The following PTCHD4 variants were observed in gnomAD, a reference collection of about 807,000 sequenced individuals.
PTCHD4 encodes patched domain containing 4, also known as patched domain-containing protein 4.
A neutral mutation model predicts 58.1 loss-of-function variants in PTCHD4; 33 were observed. The observed-to-expected ratio is 0.57, with a 90% CI of 0.43 to 0.76. The LOEUF (loss-of-function observed/expected upper bound fraction) is 0.76, where lower values mean the gene tolerates loss of function less well. Ranked by LOEUF, PTCHD4 falls within the 30% of genes least tolerant of loss-of-function variation. The probability of loss-of-function intolerance (pLI) is 0.00; values close to 1 mark genes in which losing one functional copy is unlikely to be tolerated. For synonymous variants in PTCHD4, 478 were observed against 409.6 expected (o/e 1.17, Z -2.02); for missense variants, 1,058 against 1,027.1 (o/e 1.03, Z -0.41).
chr6:47,950,950 A>G (rs1339778091), intron 4 of PTCHD4, among the ~76,000 whole-genome samples: 1 of 152,130 alleles, frequency 6.6e-6, no homozygotes, highest in Non-Finnish European at 1.5e-5. Context: ...GGAATTTGGG[A>G]AGAGTGAGTT....
rs561597780 is a variant in PTCHD4 at position 48,088,096 on chromosome 6, A to T, written c.-969-18170T>A. ...CATGCTAGGTTACAAGACCATCAAT[A>T]AGGGAACTCAGGATCATAGATTCCT... On this transcript the variant is annotated intron_variant, in intron 1 of 4. Transcript: ENST00000339488. Among the ~76,000 whole-genome samples the T allele has an allele frequency of 1.4e-4, 22 of 152,306 alleles. No homozygotes were observed. In the South Asian group the frequency reaches 4.1e-3, roughly 29 times the overall value.
chr6:48,006,165 A>C (rs1407916546), intron 4 of PTCHD4, among the ~76,000 whole-genome samples: 2 of 152,354 alleles, frequency 1.3e-5, no homozygotes, highest in East Asian at 3.9e-4. Context: ...ACCATTAAGC[A>C]GTCTTCCTAA....
At chr6:47,991,303 A>C (rs963311586) in intron 4 of PTCHD4, among the ~76,000 whole-genome samples, 3 of 152,200 alleles carry the variant, frequency 2.0e-5, no homozygotes, top group Non-Finnish European at 2.9e-5. Flanking sequence ...AGAGAAAAAG[A>C]CAATGCGATA....
chr6:48,087,115 C>CCTAT (rs1407738302), intron 1 of PTCHD4, among the ~76,000 whole-genome samples: 1 of 152,172 alleles, frequency 6.6e-6, no homozygotes. Flanking sequence ...CTTTTCTATG[C>CCTAT]CTATGTCTTT....
chr6:47,937,736 G>C (rs1375272048), intron 4 of PTCHD4, among the ~76,000 whole-genome samples: 2 of 152,160 alleles, frequency 1.3e-5, no homozygotes, highest in Non-Finnish European at 2.9e-5. Flanking sequence ...AGATGACCAA[G>C]AACTGAGTCT....
rs1765371258 is a variant in PTCHD4, at chr6:47,919,643, G to A, written c.899-39707C>T. On this transcript the variant is annotated intron_variant, in intron 4 of 4. Transcript: ENST00000339488. Reference sequence around the variant, plus strand: ...AGGAAGTGTCAGGGTCAGAGATCATGTAGGATTTTGTAATCAGGATAAGAA... The same window carrying A: ...AGGAAGTGTCAGGGTCAGAGATCATATAGGATTTTGTAATCAGGATAAGAA... Among the ~76,000 whole-genome samples the A allele has an allele frequency of 2.6e-5, 4 of 152,188 alleles. No homozygotes were observed. The South Asian group carries it at 8.3e-4, about 32-fold the overall frequency.
intron 1 of PTCHD4, among the ~76,000 whole-genome samples, chr6:48,106,120 A>T (rs1045622135): frequency 6.6e-6 from 1 of 152,216 alleles, no homozygotes; most frequent in African/African-American, 2.4e-5. Flanking sequence ...CATCATCCTG[A>T]TACCAAAGCC....
At chr6:47,953,069 T>TAGGACG (rs1554161560) in intron 4 of PTCHD4, among the ~76,000 whole-genome samples, 9 of 151,530 alleles carry the variant, frequency 5.9e-5, no homozygotes, top group African/African-American at 2.2e-4. Context: ...ATAATTGTGA[T>TAGGACG]AGGATGAGGA....
chr6:48,108,171 A>C (rs1356424812), intron 1 of PTCHD4, among the ~76,000 whole-genome samples: 1 of 152,242 alleles, frequency 6.6e-6, no homozygotes, highest in Non-Finnish European at 1.5e-5. Flanking sequence ...TTGCAGCACT[A>C]TTCACAATAG....
intron 1 of PTCHD4, among the ~76,000 whole-genome samples, chr6:48,091,064 G>C (rs1334226108): frequency 6.6e-6 from 1 of 152,072 alleles, no homozygotes; most frequent in Non-Finnish European, 1.5e-5. Context: ...TGGGTTGATG[G>C]TCACCAATAG....
chr6:48,014,868 A>T (rs539158563), intron 3 of PTCHD4, among the ~76,000 whole-genome samples: 3 of 152,120 alleles, frequency 2.0e-5, no homozygotes, highest in Non-Finnish European at 4.4e-5. Flanking sequence ...TCTGAGTCCA[A>T]GTCCAGTCCT....
intron 4 of PTCHD4, among the ~76,000 whole-genome samples, chr6:47,894,410 T>C (rs1334785288): frequency 6.6e-6 from 1 of 152,230 alleles, no homozygotes; most frequent in Non-Finnish European, 1.5e-5. Flanking sequence ...CTCTGGTTTT[T>C]ATGCCAGGTT....
intron 3 of PTCHD4, among the ~76,000 whole-genome samples, chr6:48,030,589 T>A (rs906660582): frequency 6.6e-6 from 1 of 152,166 alleles, no homozygotes; most frequent in African/African-American, 2.4e-5. Context: ...AACTTTCATG[T>A]CTGCTGCTGT....
chr6:48,106,582 G>C (rs1025035105), intron 1 of PTCHD4, among the ~76,000 whole-genome samples: 2 of 152,136 alleles, frequency 1.3e-5, no homozygotes, highest in Non-Finnish European at 2.9e-5. Context: ...ATTCAATATA[G>C]TGTTGGAAGT....
chr6:48,090,425 T>G (rs570188741), intron 1 of PTCHD4, among the ~76,000 whole-genome samples: 2 of 152,178 alleles, frequency 1.3e-5, no homozygotes, highest in Non-Finnish European at 2.9e-5. Context: ...ATAGTTAACT[T>G]ATATTGTTTC....
At chr6:48,045,149 C>G (rs1320408929) in intron 3 of PTCHD4, among the ~76,000 whole-genome samples, 3 of 151,714 alleles carry the variant, frequency 2.0e-5, no homozygotes, top group East Asian at 3.9e-4. Context: ...AAGATTTTAC[C>G]CCTCTGGCTC....
In PTCHD4 at chr6:47,862,360, C is replaced by T. The variant is rs1397110095; in HGVS notation, c.*15943G>A. On this transcript the variant is annotated 3_prime_UTR_variant, in exon 5 of 5. Coordinates refer to ENST00000339488, the MANE Select transcript of PTCHD4 (RefSeq NM_001384253.1). ...TAAATTTTTTTTGTAGGCTGCTTTC[C>T]CCCTTTTCCCTTCATTGAAGTTCTC... is the stretch of plus-strand genomic sequence containing the variant. Among the ~76,000 whole-genome samples the T allele has an allele frequency of 1.3e-5, 2 of 151,550 alleles. No homozygotes were observed. The highest frequency in any genetic ancestry group is 3.0e-5 in the Non-Finnish European group (2 of 67,752).
At chr6:47,976,655 A>AAAATAAATAAAT (rs141002670) in intron 4 of PTCHD4, among the ~76,000 whole-genome samples, 25 of 142,572 alleles carry the variant, frequency 1.8e-4, no homozygotes, top group Non-Finnish European at 3.2e-4. Context: ...ACTCCATATC[A>AAAATAAATAAAT]AAATAAATAA....
At chr6:47,923,379 C>T (rs1765494166) in intron 4 of PTCHD4, among the ~76,000 whole-genome samples, 2 of 152,164 alleles carry the variant, frequency 1.3e-5, no homozygotes, top group Admixed American at 6.5e-5. Context: ...TCCACCAACA[C>T]AATCAAAGAT....
Sources: allele counts gnomAD v4.1 joint callset (sites outside exome capture counted in the v4.1 genomes callset), GRCh38; gene constraint gnomAD v4.1.1; transcripts MANE v1.5; gene names NCBI Gene and HGNC (gene_info 2026-07-23, HGNC 2026-07-21).